ERN1: variants seen among roughly 807,000 people sequenced by gnomAD.
The protein encoded by ERN1 is endoplasmic reticulum to nucleus signaling 1.
In ERN1, 39 loss-of-function variants were observed where a neutral mutation model predicts 113.1. The observed-to-expected ratio is 0.34, with a 90% CI of 0.27 to 0.45. ERN1 has a LOEUF of 0.45. Ranked by LOEUF, ERN1 falls within the 20% of genes least tolerant of loss-of-function variation. The pLI is 1.00. For synonymous variants in ERN1, 507 were observed against 515.9 expected (o/e 0.98, Z 0.23); for missense variants, 976 against 1,274.8 (o/e 0.77, Z 3.57).
chr17:64,108,039 C>T (rs1166484286), intron 1 of ERN1, among the ~76,000 whole-genome samples: 1 of 152,088 alleles, frequency 6.6e-6, no homozygotes, highest in Non-Finnish European at 1.5e-5. Context: ...GCAGAAAAGG[C>T]CAAGGCCTAA....
At chr17:64,052,454 G>A (rs1567862002) in intron 17 of ERN1, among the ~76,000 whole-genome samples, 2 of 150,950 alleles carry the variant, frequency 1.3e-5, no homozygotes, top group African/African-American at 4.9e-5. Flanking sequence ...GCAGTGAGCT[G>A]AGATCATGCC....
chr17:64,100,117 C>T (rs1914344384), intron 1 of ERN1, among the ~76,000 whole-genome samples: 1 of 152,096 alleles, frequency 6.6e-6, no homozygotes, highest in Non-Finnish European at 1.5e-5. Flanking sequence ...ATTATTTCAG[C>T]CCAGAGGGTC....
intron 1 of ERN1, among the ~76,000 whole-genome samples, chr17:64,110,451 A>G (rs1405620618): frequency 6.6e-6 from 1 of 152,236 alleles, no homozygotes; most frequent in African/African-American, 2.4e-5. Context: ...TCTCCTGAAC[A>G]GCCCAGTTCT....
At chr17:64,126,069 G>A (rs1328612824) in intron 1 of ERN1, among the ~76,000 whole-genome samples, 2 of 151,578 alleles carry the variant, frequency 1.3e-5, no homozygotes, top group Non-Finnish European at 2.9e-5. Context: ...TATAGGTAAA[G>A]ATAGAAAGGA....
rs550170850 is a variant in ERN1, at chr17:64,043,101, G to T, written c.*887C>A. 6.6e-6 allele frequency: 1 copy of T among 152,490 alleles called. No homozygotes were observed. The highest frequency in any genetic ancestry group is 2.4e-5 in the African/African-American group (1 of 41,564). The allele number at this position is 152,490 out of a possible 1,614,324, so 9.4% of individuals were successfully genotyped here. On this transcript the variant is annotated 3_prime_UTR_variant, in exon 22 of 22. Transcript: ENST00000433197. ...ACTCGCTGGCCCAGGGCTTTCTCCT[G>T]GTGACCAGGAGGGTCCCATTCGGCG...
chr17:64,088,572 A>G (rs1382229614), intron 2 of ERN1, among the ~76,000 whole-genome samples: 1 of 152,182 alleles, frequency 6.6e-6, no homozygotes, highest in Non-Finnish European at 1.5e-5. Flanking sequence ...CCCTGCTACT[A>G]GTAACTTTCT....
chr17:64,046,592 C>T (rs373007564), intron 19 of ERN1, among the ~76,000 whole-genome samples: 9 of 152,218 alleles, frequency 5.9e-5, no homozygotes, highest in East Asian at 3.8e-4. Flanking sequence ...CTTCCCAACC[C>T]GATCCATCTG....
chr17:64,118,795 C>T (rs1362572235), intron 1 of ERN1, among the ~76,000 whole-genome samples: 5 of 152,270 alleles, frequency 3.3e-5, no homozygotes, highest in African/African-American at 9.6e-5. Context: ...AAAAACCCTT[C>T]GAGGGAACTC....
intron 1 of ERN1, among the ~76,000 whole-genome samples, chr17:64,127,496 G>A (rs769242214): frequency 6.6e-6 from 1 of 152,178 alleles, no homozygotes; most frequent in Non-Finnish European, 1.5e-5. Context: ...GCTCATGCCT[G>A]TAATCCCAGC....
intron 2 of ERN1, among the ~76,000 whole-genome samples, chr17:64,088,481 A>G (rs1342648362): frequency 6.6e-6 from 1 of 152,214 alleles, no homozygotes; most frequent in Non-Finnish European, 1.5e-5. Flanking sequence ...GCAGAGATGA[A>G]GTCTCAAATG....
chr17:64,066,797 T>A lies in ERN1; in HGVS notation c.716A>T (p.Lys239Met). ...FYVWQREGLR[K>M]VMHINVAVET... is the part of the protein sequence containing the mutation. ...CACAGCGACATTGATGTGCATCACC[T>A]TCCTCAGACCCTCCCGCTGCCAGAC... Residue 239 changes from lysine (K) to methionine (M), a missense_variant, in exon 8 of 22, where the codon AAG (lysine) becomes ATG (methionine). Coordinates refer to ENST00000433197, the MANE Select transcript of ERN1 (RefSeq NM_001433.5). The A allele has an allele frequency of 6.2e-7, 1 of 1,613,926 alleles. No individual in the cohort carries two copies. The highest frequency in any genetic ancestry group is 8.5e-7 in the Non-Finnish European group (1 of 1,179,874).
At chr17:64,073,452 G>A (rs1247514227) in intron 5 of ERN1, among the ~76,000 whole-genome samples, 2 of 150,012 alleles carry the variant, frequency 1.3e-5, no homozygotes, top group African/African-American at 4.9e-5. Flanking sequence ...TGGGATTACA[G>A]GTGTGAGCCA....
intron 10 of ERN1, among the ~76,000 whole-genome samples, chr17:64,062,941 G>C (rs1913098778): frequency 6.6e-6 from 1 of 152,160 alleles, no homozygotes; most frequent in African/African-American, 2.4e-5. Context: ...AGGGCTCAAG[G>C]ATACCTGGTT....
intron 1 of ERN1, chr17:64,098,665 G>C (rs1914299832): frequency 2.2e-6 from 1 of 464,988 alleles, no homozygotes; most frequent in African/African-American, 2.0e-5. Flanking sequence ...AAAAAGCAAA[G>C]AATTAGGGGA....
intron 6 of ERN1, 83 bp downstream of exon 6, chr17:64,071,898 A>C (rs1041110638): frequency 1.4e-6 from 2 of 1,465,842 alleles, no homozygotes; most frequent in African/African-American, 2.8e-5. Context: ...AGCTCTGGCC[A>C]CCTTCTAGGG....
At chr17:64,119,150 T>C (rs2143500362) in intron 1 of ERN1, among the ~76,000 whole-genome samples, 1 of 152,098 alleles carries the variant, frequency 6.6e-6, no homozygotes, top group East Asian at 1.9e-4. Flanking sequence ...AACAAATATA[T>C]AAATAAATAA....
At chr17:64,073,765 A>G (rs1370911163) in intron 5 of ERN1, among the ~76,000 whole-genome samples, 1 of 152,194 alleles carries the variant, frequency 6.6e-6, no homozygotes, top group Non-Finnish European at 1.5e-5. Context: ...TGTTGGGATT[A>G]CAGGCGTGAG....
chr17:64,054,828 T>C lies in ERN1; in HGVS notation c.1673A>G (p.Asp558Gly). 6.2e-7 allele frequency: 1 copy of C among 1,603,376 alleles called. No homozygotes were observed. The highest frequency in any genetic ancestry group is 8.5e-7 in the Non-Finnish European group (1 of 1,174,188). The change falls in exon 14 of 22, where the codon GAT becomes GGT. Residue 558 changes from aspartate (D) to glycine (G), a missense_variant and splice_region_variant. Physicochemically the swap from Asp to Gly is moderately conservative, Grantham distance 94 (BLOSUM62 -1). Transcript: ENST00000433197. The surrounding 1 kb of genome is among the most constrained non-coding windows in gnomAD (Gnocchi z 4.9). The stretch of plus-strand genomic sequence containing the variant: ...AACTATCACCACGCTGGTTTCCTCA[T>C]CTGGGACAAAATAGGAAAAAGAGAT... ...SSPSLEQDDGDEETSVVIVGK... is the reference protein window; with the variant it reads ...SSPSLEQDDGGEETSVVIVGK...
At chr17:64,106,000 A>C (rs149930052) in intron 1 of ERN1, among the ~76,000 whole-genome samples, 6 of 152,254 alleles carry the variant, frequency 3.9e-5, no homozygotes, top group African/African-American at 1.4e-4. Flanking sequence ...CTCCAAACTA[A>C]AAATACTTAC....
Sources: gnomAD v4.1 joint callset for allele counts (sites outside exome capture counted in the v4.1 genomes callset) on GRCh38, gnomAD v4.1.1 for gene constraint, Gnocchi (gnomAD v3.1) non-coding constraint, MANE v1.5 for transcripts, NCBI Gene and HGNC (gene_info 2026-07-23, HGNC 2026-07-21) for gene names.